The following MAST4 variants were observed in gnomAD, a reference collection of about 807,000 sequenced individuals.
MAST4 encodes the protein microtubule associated serine/threonine kinase family member 4.
In MAST4, 89 loss-of-function variants were observed where a neutral mutation model predicts 162.7. The ratio of observed to expected loss-of-function variants is 0.55; its 90% CI spans 0.46 to 0.65. The LOEUF is 0.65. MAST4 is among the 30% of genes least tolerant of loss of function. The pLI is 0.00. For missense variants in MAST4, 3,153 were observed against 3,374.0 expected (o/e 0.93, Z 1.62); for synonymous variants, 1,479 against 1,361.1 (o/e 1.09, Z -1.91).
intron 1 of MAST4, among the ~76,000 whole-genome samples, chr5:66,692,565 G>A (rs1749119604): frequency 6.6e-6 from 1 of 152,066 alleles, no homozygotes; most frequent in African/African-American, 2.4e-5. Context: ...CGAGGCAATA[G>A]GTGTTCCACC....
chr5:66,618,679 T>C (rs748104692), intron 1 of MAST4, among the ~76,000 whole-genome samples: 7 of 149,954 alleles, frequency 4.7e-5, no homozygotes, highest in African/African-American at 7.3e-5. Flanking sequence ...TTTACCCTGA[T>C]CACTTTTGAG....
At chr5:66,680,354 G>A (rs559571104) in intron 1 of MAST4, among the ~76,000 whole-genome samples, 4 of 152,174 alleles carry the variant, frequency 2.6e-5, no homozygotes, top group African/African-American at 9.7e-5. Context: ...TGCTAACCCT[G>A]TATCTGTGCT....
intron 26 of MAST4, among the ~76,000 whole-genome samples, chr5:67,155,259 A>C (rs1347273647): frequency 2.0e-5 from 3 of 152,182 alleles, no homozygotes; most frequent in Admixed American, 2.0e-4. Flanking sequence ...GTCACTCAGC[A>C]TCCTCGATCC....
At chr5:66,977,621 TG>T (rs1352375729) in intron 4 of MAST4, among the ~76,000 whole-genome samples, 1 of 152,202 alleles carries the variant, frequency 6.6e-6, no homozygotes, top group East Asian at 1.9e-4. Flanking sequence ...AATAGCTTCT[TG>T]GGCATGAGTC....
rs575118552 is a variant in MAST4, at chr5:67,134,502, A to C, written c.2227-21A>C. 3.7e-6 allele frequency: 6 copies of C among 1,600,736 alleles called. No individual in the cohort carries two copies. The East Asian group carries it at 9.0e-5, about 24-fold the overall frequency. ...TCATGTCTAATATTCCAATTATTCT[A>C]ATATTGCAATTATCTTTTAGGTCTG... On this transcript the variant is annotated intron_variant, in intron 17 of 28. Coordinates refer to ENST00000403625, the MANE Select transcript of MAST4 (RefSeq NM_001164664.2).
At chr5:66,958,169 G>T (rs956191433) in intron 4 of MAST4, among the ~76,000 whole-genome samples, 2 of 152,088 alleles carry the variant, frequency 1.3e-5, no homozygotes. Flanking sequence ...GAGAAAGAGA[G>T]AGAAAGAGAA....
At chr5:67,051,963 A>G (rs1250989471) in intron 4 of MAST4, among the ~76,000 whole-genome samples, 1 of 152,184 alleles carries the variant, frequency 6.6e-6, no homozygotes, top group African/African-American at 2.4e-5. Context: ...TTTTAATATC[A>G]TCTCTAGCTT....
chr5:66,918,057 G>T (rs948861515), intron 4 of MAST4, among the ~76,000 whole-genome samples: 2 of 151,932 alleles, frequency 1.3e-5, no homozygotes, highest in Non-Finnish European at 2.9e-5. Context: ...GAAACTAAAG[G>T]TTACTACTTC....
intron 24 of MAST4, among the ~76,000 whole-genome samples, chr5:67,151,880 A>C (rs1771877092): frequency 6.8e-6 from 1 of 146,250 alleles, no homozygotes; most frequent in South Asian, 2.1e-4. Context: ...TGATCCTCTC[A>C]CCTCAGTCTC....
chr5:67,124,919 A>G (rs754857090), intron 14 of MAST4, among the ~76,000 whole-genome samples: 1 of 152,332 alleles, frequency 6.6e-6, no homozygotes, highest in South Asian at 2.1e-4. Context: ...TCATAAAATC[A>G]TGGGTAAGTC....
At chr5:67,034,143 T>C (rs1042670825) in intron 4 of MAST4, among the ~76,000 whole-genome samples, 26 of 152,306 alleles carry the variant, frequency 1.7e-4, no homozygotes, top group African/African-American at 6.0e-4. Context: ...TTTGTTGTGT[T>C]GTCATCACAA....
intron 1 of MAST4, among the ~76,000 whole-genome samples, chr5:66,724,512 G>C (rs905066204): frequency 1.3e-5 from 2 of 152,076 alleles, no homozygotes; most frequent in African/African-American, 4.8e-5. Flanking sequence ...TAGTATTATG[G>C]TCATGTGTCA....
chr5:66,744,378 T>G (rs1053844082), intron 1 of MAST4, among the ~76,000 whole-genome samples: 12 of 152,220 alleles, frequency 7.9e-5, no homozygotes, highest in African/African-American at 2.9e-4. Flanking sequence ...GTTTTCCCTC[T>G]TAATATGAAG....
intron 1 of MAST4, among the ~76,000 whole-genome samples, chr5:66,735,681 T>C (rs1284492827): frequency 2.6e-5 from 4 of 152,204 alleles, no homozygotes; most frequent in African/African-American, 9.6e-5. Context: ...TATGTATATT[T>C]GGAGAGAAGT....
chr5:66,805,709 C>T (rs1276769366), intron 3 of MAST4, among the ~76,000 whole-genome samples: 1 of 152,200 alleles, frequency 6.6e-6, no homozygotes, highest in South Asian at 2.1e-4. Context: ...TTTTATGACA[C>T]ATAACCCTGG....
chr5:66,693,141 A>T (rs1018666743), intron 1 of MAST4, among the ~76,000 whole-genome samples: 2 of 152,170 alleles, frequency 1.3e-5, no homozygotes, highest in African/African-American at 4.8e-5. Flanking sequence ...TGAAAATGTG[A>T]AAGTGTGAAT....
intron 3 of MAST4, among the ~76,000 whole-genome samples, chr5:66,897,113 TCAA>T (rs72147449): frequency 0.012 from 1,790 of 152,320 alleles, 29 homozygotes; most frequent in South Asian, 0.053. Flanking sequence ...TAATCCAGTG[TCAA>T]CAATTAGCAT....
chr5:67,020,134 C>T (rs1753796916), intron 4 of MAST4, among the ~76,000 whole-genome samples: 1 of 152,062 alleles, frequency 6.6e-6, no homozygotes, highest in Non-Finnish European at 1.5e-5. Context: ...GTCTTTTTGC[C>T]CTCAAGTGGC....
chr5:66,733,246 C>G (rs1427036151), intron 1 of MAST4, among the ~76,000 whole-genome samples: 1 of 152,132 alleles, frequency 6.6e-6, no homozygotes, highest in Non-Finnish European at 1.5e-5. Context: ...CCCTCCAACT[C>G]TTCTCTCTCT....
Sources: allele counts gnomAD v4.1 joint callset (sites outside exome capture counted in the v4.1 genomes callset), GRCh38; gene constraint gnomAD v4.1.1; transcripts MANE v1.5; gene names NCBI Gene and HGNC (gene_info 2026-07-23, HGNC 2026-07-21).